The following ZNF814 variants were observed in gnomAD, a reference collection of about 807,000 sequenced individuals.
ZNF814 encodes the protein zinc finger protein 814.
Under a neutral mutation model 7.5 loss-of-function variants are expected in ZNF814, and 5 were observed. The observed-to-expected ratio is 0.67, with a 90% CI of 0.35 to 1.40. ZNF814 has a LOEUF of 1.40. Ranked by LOEUF, ZNF814 falls within the 40% of genes most tolerant of loss-of-function variation. The probability of loss-of-function intolerance (pLI) is 0.04; values close to 1 mark genes in which losing one functional copy is unlikely to be tolerated. For synonymous variants in ZNF814, 315 were observed against 340.7 expected (o/e 0.92, Z 0.83); for missense variants, 962 against 1,018.0 (o/e 0.94, Z 0.75).
rs1268510184 is a variant in ZNF814 at position 57,870,342 on chromosome 19, T to C, written c.*2480A>G. The C allele has an allele frequency of 6.6e-6, 1 of 152,216 alleles. No individual in the cohort carries two copies. The highest frequency in any genetic ancestry group is 1.9e-4 in the East Asian group (1 of 5,198). 9.4% of individuals were successfully genotyped at this position (152,216 alleles called of 1,614,324 possible). ...ACAGGTTTGGCAACTCTATACTGAC[T>C]ACACCAATTCTTCTCATGCCCTAAG... On this transcript the variant is annotated 3_prime_UTR_variant, in exon 3 of 3. Coordinates refer to ENST00000435989, the MANE Select transcript of ZNF814 (RefSeq NM_001144989.2).
rs1467284673 is a variant in ZNF814 at position 57,875,218 on chromosome 19, A to G, written c.172T>C (p.Cys58Arg). The change falls in exon 3 of 3, where the codon TGT becomes CGT. Residue 58 changes from cysteine (C) to arginine (R), a missense_variant. This residue lies in a region of ZNF814 where 65 missense variants were observed against 131.3 expected (regional missense o/e 0.50). Transcript: ENST00000435989. ...GGTGCCGCCTCATCTTCCACTCCAC[A>G]CCAACAACCTGAAAGCAAGAAAATG... ...LALISSLGCW[C>R]GVEDEAAPSK... 2 of 1,521,112 alleles carry G rather than the reference A, an allele frequency of 1.3e-6. No homozygotes were observed. Among genetic ancestry groups the G allele is most frequent in the Non-Finnish European group, 1.8e-6 (2 of 1,135,654 alleles). The allele number at this position is 1,521,112 out of a possible 1,614,324, so 94.2% of individuals were successfully genotyped here.
chr19:57,870,042 C>T lies in ZNF814; in HGVS notation c.*2780G>A, dbSNP rs1027415204. Reference sequence around the variant, plus strand: ...GATCACGAGGTCAGGAGATCGAGACCATCCTAGTTAACATGGTGAAACCCC... The same window carrying T: ...GATCACGAGGTCAGGAGATCGAGACTATCCTAGTTAACATGGTGAAACCCC... On this transcript the variant is annotated 3_prime_UTR_variant, in exon 3 of 3. Transcript: ENST00000435989. The T allele has an allele frequency of 6.6e-6, 1 of 151,914 alleles. No individual in the cohort carries two copies. The highest frequency in any genetic ancestry group is 2.4e-5 in the African/African-American group (1 of 41,318). The allele number at this position is 151,914 out of a possible 1,614,324, so 9.4% of individuals were successfully genotyped here. A position where few individuals can be genotyped will look rare whatever the true frequency, so the allele number is the denominator to read the frequency against.
chr19:57,873,629 T>G lies in ZNF814; in HGVS notation c.1761A>C (p.Ser587=). The change falls in exon 3 of 3, where the codon TCA becomes TCC. Residue 587 remains serine, a synonymous_variant. Transcript: ENST00000435989. ...GCTGATGGCTCCTAAGGTGCCCGAT[T>G]GAACTAAAAGATTTCCCACATTCTC... The part of the protein sequence containing the change: ...GCGECGKSFS[S]IGHLRSHQRV... 6.2e-7 allele frequency: 1 copy of G among 1,613,696 alleles called. No individual in the cohort carries two copies. Among genetic ancestry groups the G allele is most frequent in the Non-Finnish European group, 8.5e-7 (1 of 1,179,936 alleles).
intron 1 of ZNF814, among the ~76,000 whole-genome samples, chr19:57,879,006 C>T (rs2071632036): frequency 6.6e-6 from 1 of 152,054 alleles, no homozygotes; most frequent in Non-Finnish European, 1.5e-5. Flanking sequence ...GCACTCAGGC[C>T]ATTTGTGGTT....
rs2071572191 is a variant in ZNF814 at position 57,873,246 on chromosome 19, G to A, written c.2144C>T (p.Pro715Leu). ...TTTCTGACAAGCTTCACAAGCATAT[G>A]GCTTTTCTCCATTGTGAATTCTCTG... ...VHQRIHNGEK[P>L]YACEACQKFF... Residue 715 changes from proline (P) to leucine (L), a missense_variant, in exon 3 of 3, where the codon CCA becomes CTA. Physicochemically the swap from Pro to Leu is moderately conservative, Grantham distance 98. Around this residue, in one of 7 missense-constraint regions of ZNF814, gnomAD observed 665 missense variants for 551.4 expected, o/e 1.21. Transcript: ENST00000435989. 4 of 1,605,516 alleles carry A rather than the reference G, an allele frequency of 2.5e-6. No homozygotes were observed. In the East Asian group the frequency reaches 6.7e-5, roughly 27 times the overall value.
intron 1 of ZNF814, among the ~76,000 whole-genome samples, chr19:57,879,903 C>T (rs1476924809): frequency 9.8e-5 from 12 of 122,144 alleles, no homozygotes; most frequent in Non-Finnish European, 1.9e-4. Flanking sequence ...ACCAGCCTGA[C>T]CAATACGGTG....
In ZNF814 at chr19:57,873,240, G is replaced by A; in HGVS notation, c.2150C>T (p.Ala717Val). The A allele has an allele frequency of 1.2e-6, 2 of 1,606,400 alleles. No homozygotes were observed. Among genetic ancestry groups the A allele is most frequent in the East Asian group, 4.5e-5 (2 of 44,464 alleles). Residue 717 changes from alanine to valine, a missense_variant, in exon 3 of 3, where the codon GCT (alanine) becomes GTT (valine). Physicochemically the swap from Ala to Val is moderately conservative, Grantham distance 64 (BLOSUM62 0). Coordinates refer to ENST00000435989, the MANE Select transcript of ZNF814 (RefSeq NM_001144989.2). ...QRIHNGEKPY[A>V]CEACQKFFRN... The stretch of plus-strand genomic sequence containing the variant: ...AAAAAATTTCTGACAAGCTTCACAA[G>A]CATATGGCTTTTCTCCATTGTGAAT...
At chr19:57,894,820 C>T in the ZNF814 span, among the ~76,000 whole-genome samples, 110 of 148,494 alleles carry the variant, frequency 7.4e-4, no homozygotes, top group African/African-American at 2.5e-3. Flanking sequence ...GGCAACAGAG[C>T]GAGACTCCGT....
Position 57,873,362 on chromosome 19 carries a change from A to T in ZNF814, c.2028T>A (p.Ile676=). Residue 676 remains isoleucine, a synonymous_variant, in exon 3 of 3, where the codon ATT becomes ATA. Transcript: ENST00000435989. ...GKCFSHKGNL[I]LHQHGHTGER... ...CTCCAGTATGGCCATGCTGGTGTAG[A>T]ATGAGGTTACCCTTGTGACTAAAAC... 1 of 1,600,720 alleles carries T rather than the reference A, an allele frequency of 6.2e-7. No individual in the cohort carries two copies. Among genetic ancestry groups the T allele is most frequent in the Non-Finnish European group, 8.5e-7 (1 of 1,173,352 alleles).
upstream of ZNF814, among the ~76,000 whole-genome samples, chr19:57,893,580 C>T (rs911258652): frequency 1.3e-5 from 2 of 151,568 alleles, no homozygotes; most frequent in Non-Finnish European, 2.9e-5. Flanking sequence ...AGTTCGACAA[C>T]AGCCTGACCA....
the ZNF814 span, among the ~76,000 whole-genome samples, chr19:57,895,034 C>G: frequency 1.3e-5 from 2 of 152,026 alleles, no homozygotes; most frequent in Admixed American, 1.3e-4. Flanking sequence ...TAAATGAAGT[C>G]CCCTGAAAAT....
At chr19:57,888,517 A>G (rs998606903) in intron 1 of ZNF814, among the ~76,000 whole-genome samples, 1 of 152,036 alleles carries the variant, frequency 6.6e-6, no homozygotes, top group African/African-American at 2.4e-5. Flanking sequence ...TTTGCTCCCA[A>G]CAGGCACCTG....
At chr19:57,896,503 GT>G in the ZNF814 span, among the ~76,000 whole-genome samples, 1 of 152,190 alleles carries the variant, frequency 6.6e-6, no homozygotes, top group Non-Finnish European at 1.5e-5. This position sits in a 1 kb window ranked among gnomAD's most constrained non-coding sequence, Gnocchi z 4.2. Context: ...TGAATTAGCT[GT>G]AAAATTTACT....
intron 1 of ZNF814, among the ~76,000 whole-genome samples, chr19:57,880,463 T>A (rs1359278727): frequency 4.6e-5 from 7 of 151,426 alleles, no homozygotes; most frequent in Non-Finnish European, 1.0e-4. Context: ...AATACCTCCA[T>A]ACCACCTGCG....
At chr19:57,880,109 G>A (rs1409071219) in intron 1 of ZNF814, among the ~76,000 whole-genome samples, 1 of 122,136 alleles carries the variant, frequency 8.2e-6, no homozygotes, top group Non-Finnish European at 1.7e-5. Flanking sequence ...AAAAAAAAAA[G>A]CAAAAACAAA....
At chr19:57,902,824 C>T in the ZNF814 span, among the ~76,000 whole-genome samples, 2 of 151,888 alleles carry the variant, frequency 1.3e-5, no homozygotes, top group Non-Finnish European at 2.9e-5. Flanking sequence ...CCATGCCCGG[C>T]TAATTTTTTG....
At chr19:57,903,004 C>G in the ZNF814 span, among the ~76,000 whole-genome samples, 45 of 152,128 alleles carry the variant, frequency 3.0e-4, no homozygotes, top group African/African-American at 9.9e-4. Context: ...TACATAAATA[C>G]CCGTTTTATC....
rs1261958600 is a variant in ZNF814 at position 57,874,434 on chromosome 19, G to C, written c.956C>G (p.Thr319Ser). The change falls in exon 3 of 3, where the codon ACT becomes AGT. Residue 319 changes from threonine (T) to serine (S), a missense_variant. This residue lies in a region of ZNF814 where 30 missense variants were observed against 97.6 expected (regional missense o/e 0.31). Coordinates refer to ENST00000435989, the MANE Select transcript of ZNF814 (RefSeq NM_001144989.2). ...VSFSNHQRVHTGKRPYECGEC... is the reference protein window; with the variant it reads ...VSFSNHQRVHSGKRPYECGEC... ...TCCACATTCATAAGGTCTTTTCCCA[G>C]TGTGAACTCTCTGATGATTACTGAA... The C allele has an allele frequency of 7.0e-7, 1 of 1,433,164 alleles. No individual in the cohort carries two copies. The highest frequency in any genetic ancestry group is 9.2e-7 in the Non-Finnish European group (1 of 1,090,102). The allele number at this position is 1,433,164 out of a possible 1,614,324, so 88.8% of individuals were successfully genotyped here.
At chr19:57,897,486 C>A in the ZNF814 span, among the ~76,000 whole-genome samples, 9,165 of 152,194 alleles carry the variant, frequency 0.06, 948 homozygotes, top group African/African-American at 0.2. Flanking sequence ...AAAGGCAATC[C>A]CTGGACAAGA....
Sources: gnomAD v4.1 joint callset for allele counts (sites outside exome capture counted in the v4.1 genomes callset) on GRCh38, gnomAD v4.1.1 for gene constraint, gnomAD v4.1.1 regional missense constraint, Gnocchi (gnomAD v3.1) non-coding constraint, MANE v1.5 for transcripts, NCBI Gene and HGNC (gene_info 2026-07-23, HGNC 2026-07-21) for gene names.